SMARCA2: variants seen among roughly 807,000 people sequenced by gnomAD.
SMARCA2 encodes SWI/SNF related BAF chromatin remodeling complex subunit ATPase 2.
In SMARCA2, 61 loss-of-function variants were observed where a neutral mutation model predicts 199.8. The ratio of observed to expected loss-of-function variants is 0.31; its 90% CI spans 0.25 to 0.38. The LOEUF (loss-of-function observed/expected upper bound fraction) is 0.38, where lower values mean the gene tolerates loss of function less well. SMARCA2 is among the 10% of genes least tolerant of loss of function. The probability of loss-of-function intolerance (pLI) is 1.00; values close to 1 mark genes in which losing one functional copy is unlikely to be tolerated. For synonymous variants in SMARCA2, 935 were observed against 732.0 expected (o/e 1.28, Z -4.48); for missense variants, 1,344 against 2,012.2 (o/e 0.67, Z 6.35).
chr9:2,067,762 T>A (rs935078276), intron 9 of SMARCA2, among the ~76,000 whole-genome samples: 5 of 152,258 alleles, frequency 3.3e-5, no homozygotes, highest in Non-Finnish European at 7.3e-5. Flanking sequence ...AATATTACTC[T>A]GTCTCTCAGA....
rs1191630846 is a variant in SMARCA2, at chr9:2,123,964, T to G, written c.3981+27T>G. ...TAAGCCTAGCTTTTCTAACCCGCTC[T>G]CACTAGGTGGAGGGTTTTTGGTGGC... is the stretch of plus-strand genomic sequence containing the variant. On this transcript the variant is annotated intron_variant, in intron 27 of 33. Coordinates refer to ENST00000349721, the MANE Select transcript of SMARCA2 (RefSeq NM_003070.5). This position sits in a 1 kb window ranked among gnomAD's most constrained non-coding sequence, Gnocchi z 4.1. 1.3e-6 allele frequency: 2 copies of G among 1,532,086 alleles called. No homozygotes were observed. The highest frequency in any genetic ancestry group is 1.2e-5 in the South Asian group (1 of 83,630). 94.9% of individuals were successfully genotyped at this position (1,532,086 alleles called of 1,614,324 possible). A position where few individuals can be genotyped will look rare whatever the true frequency, so the allele number is the denominator to read the frequency against.
chr9:2,038,650 G>C (rs1819438742), intron 3 of SMARCA2, among the ~76,000 whole-genome samples: 1 of 152,094 alleles, frequency 6.6e-6, no homozygotes. Context: ...CACTGCAGCA[G>C]CTGGCTTGAA....
intron 27 of SMARCA2, chr9:2,159,500 A>G (rs2130747427): frequency 4.3e-6 from 1 of 229,890 alleles, no homozygotes; most frequent in African/African-American, 2.3e-5. Context: ...CCTTGTTTTA[A>G]TTTTTTAAAA....
chr9:2,070,988 G>C (rs1048119497), intron 10 of SMARCA2, among the ~76,000 whole-genome samples: 1 of 152,174 alleles, frequency 6.6e-6, no homozygotes, highest in Non-Finnish European at 1.5e-5. Context: ...AGTAGTTCCA[G>C]TATTCTCCTG....
In SMARCA2 at chr9:2,047,329, G is replaced by T. The variant is rs1000545107; in HGVS notation, c.891G>T (p.Pro297=). The change falls in exon 5 of 34, where the codon CCG becomes CCT. Residue 297 remains proline, a synonymous_variant. Coordinates refer to ENST00000349721, the MANE Select transcript of SMARCA2 (RefSeq NM_003070.5). The stretch of plus-strand genomic sequence containing the variant: ...CCGCGCCCCCCGCAGCCGCGCAGCC[G>T]CCCGCGGCCGCAGTGCCCGGGCCCT... ...PSPAPPAAAQ[P]PAAAVPGPSV... 6 of 1,121,714 alleles carry T rather than the reference G, an allele frequency of 5.3e-6. No individual in the cohort carries two copies. Among genetic ancestry groups the T allele is most frequent in the South Asian group, 3.0e-5 (1 of 32,894 alleles). The allele number at this position is 1,121,714 out of a possible 1,614,324, so 69.5% of individuals were successfully genotyped here. A position where few individuals can be genotyped will look rare whatever the true frequency, so the allele number is the denominator to read the frequency against.
rs1825665466 is a variant in SMARCA2, at chr9:2,161,375, G to C, written c.3982-311G>C. On this transcript the variant is annotated intron_variant, in intron 27 of 33. Coordinates refer to ENST00000349721, the MANE Select transcript of SMARCA2 (RefSeq NM_003070.5). This position sits in a 1 kb window ranked among gnomAD's most constrained non-coding sequence, Gnocchi z 4.7. ...TTAAACTGAGCTAAAATTTCATCTG[G>C]ATTCAGTTATCATCAAACACTTGAA... Among the ~76,000 whole-genome samples, 1 of 152,080 alleles carries C rather than the reference G, an allele frequency of 6.6e-6. No homozygotes were observed. The highest frequency in any genetic ancestry group is 1.5e-5 in the Non-Finnish European group (1 of 68,016).
chr9:2,047,374 G>T lies in SMARCA2; in HGVS notation c.936G>T (p.Pro312=), dbSNP rs747096590. The T allele has an allele frequency of 1.3e-6, 2 of 1,547,086 alleles. No individual in the cohort carries two copies. Among genetic ancestry groups the T allele is most frequent in the East Asian group, 5.1e-5 (2 of 39,330 alleles). ...VPGPSVPQPA[P]GQPSPVLQLQ... is the part of the protein sequence containing the mutation. ...GGCCCTCAGTGCCGCAGCCGGCCCC[G>T]GGGCAGCCCTCGCCCGTCCTCCAGC... Residue 312 remains proline (P), a synonymous_variant, in exon 5 of 34, where the codon CCG becomes CCT. Transcript: ENST00000349721.
At chr9:2,122,057 A>G (rs1421442532) in intron 26 of SMARCA2, among the ~76,000 whole-genome samples, 1 of 152,210 alleles carries the variant, frequency 6.6e-6, no homozygotes, top group Non-Finnish European at 1.5e-5. Flanking sequence ...CTCTAGGGAG[A>G]GATGCAGTTA....
At chr9:2,036,541 T>C (rs1173535848) in intron 3 of SMARCA2, among the ~76,000 whole-genome samples, 4 of 152,208 alleles carry the variant, frequency 2.6e-5, no homozygotes, top group Admixed American at 6.5e-5. Context: ...TCCTCAAGTT[T>C]TATGGGATGC....
intron 22 of SMARCA2, 85 bp downstream of exon 22, chr9:2,101,701 G>A: frequency 1.5e-6 from 1 of 678,534 alleles, no homozygotes; most frequent in Non-Finnish European, 2.6e-6. Context: ...TTCCTCTTGT[G>A]CAAATACTTA....
chr9:2,188,138 A>G (rs140722427), intron 32 of SMARCA2, among the ~76,000 whole-genome samples: 49 of 152,330 alleles, frequency 3.2e-4, no homozygotes, highest in African/African-American at 1.1e-3. Flanking sequence ...TGTACTTATT[A>G]TGAACACTTT....
Position 2,101,628 on chromosome 9 carries a change from A to T in SMARCA2, c.3125+12A>T, listed in dbSNP as rs1563769051. 2.1e-5 allele frequency: 31 copies of T among 1,452,574 alleles called. No individual in the cohort carries two copies. Among genetic ancestry groups the T allele is most frequent in the Admixed American group, 5.4e-5 (3 of 55,180 alleles). 90.0% of individuals were successfully genotyped at this position (1,452,574 alleles called of 1,614,324 possible). On this transcript the variant is annotated intron_variant, in intron 22 of 33. Coordinates refer to ENST00000349721, the MANE Select transcript of SMARCA2 (RefSeq NM_003070.5). ...GGGGTCATCAATGGGTAAATCTCAAATTTTTTTTTCTTTTAAAAAAAAATG... is the reference window on the plus strand; with the variant it reads ...GGGGTCATCAATGGGTAAATCTCAATTTTTTTTTTCTTTTAAAAAAAAATG...
chr9:2,146,085 G>A (rs770558482), intron 27 of SMARCA2, among the ~76,000 whole-genome samples: 4 of 152,194 alleles, frequency 2.6e-5, no homozygotes, highest in Non-Finnish European at 4.4e-5. Flanking sequence ...ACCATAGATT[G>A]GTTTATAAGC....
chr9:2,193,457 G>A lies in SMARCA2; in HGVS notation c.*718G>A, dbSNP rs1828032286. Reference sequence around the variant, plus strand: ...TTCTTTTGTCACCCTGATCTCCTATGTTACCAATGTGTATCGTCTCCTTCT... The same window carrying A: ...TTCTTTTGTCACCCTGATCTCCTATATTACCAATGTGTATCGTCTCCTTCT... On this transcript the variant is annotated 3_prime_UTR_variant, in exon 34 of 34. Coordinates refer to ENST00000349721, the MANE Select transcript of SMARCA2 (RefSeq NM_003070.5). 1 of 152,580 alleles carries A rather than the reference G, an allele frequency of 6.6e-6. No homozygotes were observed. The highest frequency in any genetic ancestry group is 2.1e-4 in the South Asian group (1 of 4,832). The allele number at this position is 152,580 out of a possible 1,614,324, so 9.5% of individuals were successfully genotyped here.
intron 3 of SMARCA2, among the ~76,000 whole-genome samples, chr9:2,038,088 T>C (rs570836481): frequency 1.4e-4 from 22 of 152,354 alleles, no homozygotes; most frequent in African/African-American, 5.1e-4. Context: ...CACAAGTGGT[T>C]CTAGAAGGTT....
chr9:2,107,400 C>G (rs540428871), intron 23 of SMARCA2, among the ~76,000 whole-genome samples: 1 of 152,228 alleles, frequency 6.6e-6, no homozygotes, highest in African/African-American at 2.4e-5. Context: ...TCCCTGCAAC[C>G]TCCGCCTCCT....
chr9:2,069,323 G>A (rs1475470183), intron 9 of SMARCA2, among the ~76,000 whole-genome samples: 1 of 151,658 alleles, frequency 6.6e-6, no homozygotes, highest in Non-Finnish European at 1.5e-5. Context: ...CTGGGAGGCC[G>A]AGGCAGGCGG....
chr9:2,100,860 A>G (rs1268721629), intron 21 of SMARCA2, among the ~76,000 whole-genome samples: 1 of 152,194 alleles, frequency 6.6e-6, no homozygotes, highest in African/African-American at 2.4e-5. Context: ...ATTTGTAAGG[A>G]AAAAGAGGTT....
chr9:2,091,292 T>C (rs1200217946), intron 19 of SMARCA2, among the ~76,000 whole-genome samples: 1 of 152,200 alleles, frequency 6.6e-6, no homozygotes, highest in Non-Finnish European at 1.5e-5. Flanking sequence ...CGTAGCCTCA[T>C]GCAGCCACTC....
Sources: allele counts gnomAD v4.1 joint callset (sites outside exome capture counted in the v4.1 genomes callset), GRCh38; gene constraint gnomAD v4.1.1; non-coding constraint Gnocchi (gnomAD v3.1); transcripts MANE v1.5; gene names NCBI Gene and HGNC (gene_info 2026-07-23, HGNC 2026-07-21).